The following RAP1GAP variants were observed in gnomAD, a reference collection of about 807,000 sequenced individuals.
RAP1GAP encodes rap1 GTPase-activating protein 1.
Under a neutral mutation model 87.2 loss-of-function variants are expected in RAP1GAP, and 35 were observed. That is an observed-to-expected ratio of 0.40 (90% confidence interval 0.31 to 0.53). The LOEUF is 0.53. Among genes scored for constraint, RAP1GAP ranks in the 20% least tolerant of loss-of-function variants. RAP1GAP has a pLI of 0.48. For synonymous variants in RAP1GAP, 375 were observed against 363.9 expected (o/e 1.03, Z -0.35); for missense variants, 734 against 898.9 (o/e 0.82, Z 2.35).
At position 21,603,024 on chromosome 1, in the gene RAP1GAP, C is replaced by A; in HGVS notation, c.1429-111G>T. The A allele has an allele frequency of 2.8e-6, 2 of 716,362 alleles. No individual in the cohort carries two copies. The highest frequency in any genetic ancestry group is 4.6e-6 in the Non-Finnish European group (2 of 438,322). 44.4% of individuals were successfully genotyped at this position (716,362 alleles called of 1,614,324 possible). On this transcript the variant is annotated intron_variant, in intron 18 of 24. Coordinates refer to ENST00000374765, the MANE Select transcript of RAP1GAP (RefSeq NM_002885.4). This position sits in a 1 kb window ranked among gnomAD's most constrained non-coding sequence, Gnocchi z 6.0. ...CAGGCCCTGAAGCAGAGTTGATGAG[C>A]AAGAAAGAACGAGAGAAGATATCCA...
chr1:21,611,375 C>T (rs1025229883), intron 13 of RAP1GAP, 77 bp downstream of exon 13: 33 of 1,521,972 alleles, frequency 2.2e-5, no homozygotes, highest in South Asian at 3.6e-5. Flanking sequence ...CTGAGCCTGG[C>T]GTGATGGAGG....
At chr1:21,617,159 T>G in intron 7 of RAP1GAP, 147 bp downstream of exon 7, 2 of 849,342 alleles carry the variant, frequency 2.4e-6, no homozygotes, top group African/African-American at 1.7e-5. Context: ...GGACTGGGAG[T>G]GTGTGTGGTG....
chr1:21,604,087 G>A (rs2071758868), intron 18 of RAP1GAP, among the ~76,000 whole-genome samples: 1 of 152,092 alleles, frequency 6.6e-6, no homozygotes, highest in Admixed American at 6.6e-5. Context: ...GCCGGGGAAA[G>A]GAAGGCGAGA....
intron 1 of RAP1GAP, among the ~76,000 whole-genome samples, chr1:21,664,446 G>A (rs556671101): frequency 1.2e-4 from 18 of 152,162 alleles, no homozygotes; most frequent in African/African-American, 2.6e-4. Context: ...GACTGACCCC[G>A]ATTTGTCCCT....
chr1:21,632,236 G>A (rs903112296), intron 2 of RAP1GAP, among the ~76,000 whole-genome samples: 1 of 152,212 alleles, frequency 6.6e-6, no homozygotes, highest in South Asian at 2.1e-4. Context: ...CTCCTAAGTG[G>A]GATGGGCCCG....
rs909823806 is a variant in RAP1GAP at position 21,615,268 on chromosome 1, G to C, written c.292-1179C>G. 2.6e-5 allele frequency among the ~76,000 whole-genome samples: 4 copies of C among 152,170 alleles called. No individual in the cohort carries two copies. The highest frequency in any genetic ancestry group is 7.2e-5 in the African/African-American group (3 of 41,438). ...TAACCTCCCCTCTCTGCCAGGATAGGGCCCAGTGCCTGAGCACCTGGCTGC... is the reference window on the plus strand; with the variant it reads ...TAACCTCCCCTCTCTGCCAGGATAGCGCCCAGTGCCTGAGCACCTGGCTGC... On this transcript the variant is annotated intron_variant, in intron 7 of 24. Transcript: ENST00000374765. The surrounding 1 kb of genome is among the most constrained non-coding windows in gnomAD (Gnocchi z 4.5).
chr1:21,616,180 CACACACACACAT>C (rs1356962096), intron 7 of RAP1GAP, among the ~76,000 whole-genome samples: 5 of 130,220 alleles, frequency 3.8e-5, no homozygotes, highest in Non-Finnish European at 8.4e-5. Context: ...CACACACACA[CACACACACACAT>C]ACAATGACTA....
chr1:21,601,942 T>C, intron 19 of RAP1GAP, 145 bp from the exon 20 acceptor site: 2 of 557,304 alleles, frequency 3.6e-6, no homozygotes, highest in East Asian at 2.9e-5. Flanking sequence ...GGAGCAGTCT[T>C]GTGGGCTCCC....
chr1:21,619,981 G>C (rs748412317), intron 4 of RAP1GAP, 34 bp downstream of exon 4: 2 of 1,612,538 alleles, frequency 1.2e-6, no homozygotes, highest in South Asian at 2.2e-5. Flanking sequence ...CCAGCTCTGT[G>C]GCTCCCCAGA....
At chr1:21,646,758 A>G (rs1319707376) in intron 2 of RAP1GAP, among the ~76,000 whole-genome samples, 1 of 152,116 alleles carries the variant, frequency 6.6e-6, no homozygotes, top group Non-Finnish European at 1.5e-5. Context: ...CCATTCTAGG[A>G]TATCTGGGTC....
chr1:21,600,875 A>C (rs1415925920), intron 20 of RAP1GAP, among the ~76,000 whole-genome samples: 1 of 124,104 alleles, frequency 8.1e-6, no homozygotes. Context: ...ACAGAGCAAG[A>C]CTCTGTCTCA....
chr1:21,621,085 C>T (rs955033270), intron 3 of RAP1GAP, among the ~76,000 whole-genome samples: 1 of 152,186 alleles, frequency 6.6e-6, no homozygotes, highest in African/African-American at 2.4e-5. Context: ...CCCACTCAAA[C>T]ACATGCAGGT....
chr1:21,617,838 G>A, intron 6 of RAP1GAP, 96 bp downstream of exon 6: 3 of 1,535,188 alleles, frequency 2.0e-6, no homozygotes, highest in Non-Finnish European at 2.7e-6. Context: ...AGGCCTGCAG[G>A]TCAGGCTCCT....
rs1173472412 is a variant in RAP1GAP, at chr1:21,612,082, C to T, written c.556G>A (p.Glu186Lys). The change falls in exon 11 of 25, where the codon GAG becomes AAG. Residue 186 changes from glutamate (E) to lysine (K), a missense_variant. By Grantham distance (56) the Glu-to-Lys change is moderately conservative. Transcript: ENST00000374765. Reference protein sequence around the residue: ...KASRLIVTFDEHVISNNFKFG... With the variant: ...KASRLIVTFDKHVISNNFKFG... ...TTGAAGTTATTGCTGATGACATGCT[C>T]GTCAAAGGTGACGATGAGCCGGGAA... is the stretch of plus-strand genomic sequence containing the variant. The T allele has an allele frequency of 5.8e-6, 9 of 1,553,396 alleles. No individual in the cohort carries two copies. Among genetic ancestry groups the T allele is most frequent in the African/African-American group, 4.1e-5 (3 of 73,192 alleles).
intron 1 of RAP1GAP, among the ~76,000 whole-genome samples, chr1:21,652,220 G>C (rs891145913): frequency 6.7e-6 from 1 of 150,028 alleles, no homozygotes; most frequent in Non-Finnish European, 1.5e-5. Context: ...CCATCATCAC[G>C]AGCTGGGAGC....
intron 18 of RAP1GAP, among the ~76,000 whole-genome samples, chr1:21,604,838 G>A (rs1036502953): frequency 7.1e-6 from 1 of 140,680 alleles, no homozygotes; most frequent in African/African-American, 2.6e-5. Flanking sequence ...TAGAGGGATG[G>A]ATAGAGATGG....
intron 17 of RAP1GAP, among the ~76,000 whole-genome samples, chr1:21,607,769 G>A (rs1213218449): frequency 3.3e-5 from 5 of 152,020 alleles, no homozygotes; most frequent in African/African-American, 7.3e-5. Flanking sequence ...CTCTACCCAA[G>A]GCAGACTATG....
chr1:21,661,958 G>A (rs1366303310), intron 1 of RAP1GAP, among the ~76,000 whole-genome samples: 1 of 152,232 alleles, frequency 6.6e-6, no homozygotes, highest in Non-Finnish European at 1.5e-5. Context: ...CTGCCCACCA[G>A]TCTGTCTCTT....
At chr1:21,631,570 T>C (rs2093738909) in intron 2 of RAP1GAP, among the ~76,000 whole-genome samples, 1 of 151,970 alleles carries the variant, frequency 6.6e-6, no homozygotes, top group African/African-American at 2.4e-5. Context: ...CCTGTAATCC[T>C]AGCTACTTGG....
Sources: allele counts gnomAD v4.1 joint callset (sites outside exome capture counted in the v4.1 genomes callset), GRCh38; gene constraint gnomAD v4.1.1; non-coding constraint Gnocchi (gnomAD v3.1); transcripts MANE v1.5; gene names NCBI Gene and HGNC (gene_info 2026-07-23, HGNC 2026-07-21).